The following TCF12 variants were observed in gnomAD, a reference collection of about 807,000 sequenced individuals.
The protein encoded by TCF12 is DNA-binding protein HTF4.
In TCF12, 45 loss-of-function variants were observed where a neutral mutation model predicts 86.0. The ratio of observed to expected loss-of-function variants is 0.52; its 90% CI spans 0.41 to 0.67. The LOEUF (loss-of-function observed/expected upper bound fraction) is 0.67, where lower values mean the gene tolerates loss of function less well. TCF12 is among the 30% of genes least tolerant of loss of function. The pLI is 0.00. For missense variants in TCF12, 881 were observed against 859.9 expected (o/e 1.02, Z -0.31); for synonymous variants, 330 against 299.6 (o/e 1.10, Z -1.05).
At chr15:57,169,199 C>G (rs2055124311) in intron 6 of TCF12, among the ~76,000 whole-genome samples, 1 of 152,128 alleles carries the variant, frequency 6.6e-6, no homozygotes, top group African/African-American at 2.4e-5. Flanking sequence ...TGTCTGCCAC[C>G]CTGCTTCAGG....
At chr15:57,028,839 C>G (rs1371748700) in intron 3 of TCF12, among the ~76,000 whole-genome samples, 3 of 151,924 alleles carry the variant, frequency 2.0e-5, no homozygotes, top group Non-Finnish European at 4.4e-5. Flanking sequence ...CACTGTGTCG[C>G]CCAGGCTGAG....
intron 3 of TCF12, among the ~76,000 whole-genome samples, chr15:56,956,147 A>G (rs1385621258): frequency 1.3e-5 from 2 of 151,862 alleles, no homozygotes; most frequent in East Asian, 3.9e-4. Flanking sequence ...TTACCAGCAT[A>G]TAATTGGGTT....
chr15:57,198,927 T>C (rs1333776739), intron 8 of TCF12, among the ~76,000 whole-genome samples: 1 of 152,208 alleles, frequency 6.6e-6, no homozygotes, highest in Non-Finnish European at 1.5e-5. Flanking sequence ...GTTGTCTGCC[T>C]TCCTTCTTTT....
At chr15:57,075,614 A>C (rs188134332) in intron 4 of TCF12, among the ~76,000 whole-genome samples, 2 of 152,130 alleles carry the variant, frequency 1.3e-5, no homozygotes, top group East Asian at 3.9e-4. Context: ...TTGTTTATGA[A>C]ACCTCCAGGA....
chr15:56,946,365 C>G (rs2060996913), intron 3 of TCF12, among the ~76,000 whole-genome samples: 1 of 152,166 alleles, frequency 6.6e-6, no homozygotes, highest in Non-Finnish European at 1.5e-5. Flanking sequence ...TCTGCAGTGT[C>G]TAACCTGTTT....
chr15:56,972,837 T>A (rs2062406838), intron 3 of TCF12, among the ~76,000 whole-genome samples: 1 of 152,010 alleles, frequency 6.6e-6, no homozygotes, highest in Non-Finnish European at 1.5e-5. Flanking sequence ...AGTAACATAG[T>A]TATGGAGGGG....
At chr15:57,162,459 A>G (rs2054570629) in intron 5 of TCF12, among the ~76,000 whole-genome samples, 1 of 152,226 alleles carries the variant, frequency 6.6e-6, no homozygotes, top group African/African-American at 2.4e-5. Flanking sequence ...TAAGTCCTTA[A>G]GAAAATAACT....
At chr15:57,149,430 T>G (rs1175385196) in intron 5 of TCF12, among the ~76,000 whole-genome samples, 3 of 152,338 alleles carry the variant, frequency 2.0e-5, no homozygotes, top group African/African-American at 7.2e-5. Context: ...ATTGCCAGCC[T>G]TTTAACCTTT....
chr15:57,187,658 A>G (rs1375317994), intron 6 of TCF12, among the ~76,000 whole-genome samples: 2 of 152,136 alleles, frequency 1.3e-5, no homozygotes, highest in Non-Finnish European at 2.9e-5. Flanking sequence ...GTGGCTGGGC[A>G]TGGTGGCTCA....
chr15:57,209,685 A>G (rs1403249859), intron 8 of TCF12, among the ~76,000 whole-genome samples: 1 of 152,202 alleles, frequency 6.6e-6, no homozygotes. Context: ...TAGACACAGG[A>G]ACATCCTTTT....
At chr15:57,014,365 C>T (rs2065023500) in intron 3 of TCF12, among the ~76,000 whole-genome samples, 1 of 151,972 alleles carries the variant, frequency 6.6e-6, no homozygotes, top group South Asian at 2.1e-4. Flanking sequence ...TCCTCATTCC[C>T]TACCATCAGT....
At chr15:57,036,677 C>T (rs1222810704) in intron 3 of TCF12, among the ~76,000 whole-genome samples, 2 of 151,912 alleles carry the variant, frequency 1.3e-5, no homozygotes, top group Admixed American at 6.6e-5. Flanking sequence ...TGTTTATTTG[C>T]CCATTTTTTA....
At chr15:56,925,247 C>CG (rs1451599037) in intron 3 of TCF12, among the ~76,000 whole-genome samples, 1 of 136,292 alleles carries the variant, frequency 7.3e-6, no homozygotes, top group East Asian at 2.6e-4. Flanking sequence ...ACCGCCCCCC[C>CG]ACCCCCCCGC....
At chr15:57,253,610 T>G in intron 16 of TCF12, 142 bp downstream of exon 16, 1 of 923,484 alleles carries the variant, frequency 1.1e-6, no homozygotes, top group African/African-American at 1.7e-5. Flanking sequence ...TCTTTGGCAG[T>G]AAAGTATTGG....
rs144391892 is a variant in TCF12 at position 57,233,100 on chromosome 15, A to G, written c.970+244A>G. ...GTTTTTTATATATGTATATATAGGT[A>G]TATATGTATATATGTTTGTGTATAT... On this transcript the variant is annotated intron_variant, in intron 11 of 20. Coordinates refer to ENST00000333725, the MANE Select transcript of TCF12 (RefSeq NM_207037.2). Among the ~76,000 whole-genome samples, 15 of 149,312 alleles carry G rather than the reference A, an allele frequency of 1.0e-4. 1 individual carries two copies. Among genetic ancestry groups the G allele is most frequent in the African/African-American group, 3.7e-4 (15 of 40,842 alleles).
chr15:57,191,992 G>A (rs983021950), intron 6 of TCF12, among the ~76,000 whole-genome samples, 166 bp from the exon 7 acceptor site: 3 of 151,998 alleles, frequency 2.0e-5, no homozygotes, highest in Admixed American at 6.6e-5. Context: ...AGAGAAAGTA[G>A]GTATGGGCTG....
chr15:57,242,461 G>A (rs1263749626), intron 12 of TCF12, among the ~76,000 whole-genome samples: 1 of 152,110 alleles, frequency 6.6e-6, no homozygotes, highest in African/African-American at 2.4e-5. Flanking sequence ...GGCCAAAGCG[G>A]GTGGATCACC....
At chr15:57,059,724 C>T (rs1327361160) in intron 3 of TCF12, among the ~76,000 whole-genome samples, 2 of 94,342 alleles carry the variant, frequency 2.1e-5, no homozygotes, top group Non-Finnish European at 3.8e-5. Context: ...TTACAGGGCT[C>T]ATATGTGGTG....
At chr15:56,953,872 C>T (rs1595834659) in intron 3 of TCF12, among the ~76,000 whole-genome samples, 1 of 144,168 alleles carries the variant, frequency 6.9e-6, no homozygotes, top group African/African-American at 2.5e-5. Context: ...TTTTGAGTTC[C>T]TTGGCCTTTT....
Sources: gnomAD v4.1 joint callset for allele counts (sites outside exome capture counted in the v4.1 genomes callset) on GRCh38, gnomAD v4.1.1 for gene constraint, MANE v1.5 for transcripts, NCBI Gene and HGNC (gene_info 2026-07-23, HGNC 2026-07-21) for gene names.